Variants in ATM observed in about 807,000 individuals in gnomAD.
ATM encodes serine-protein kinase ATM.
Under a neutral mutation model 387.0 loss-of-function variants are expected in ATM, and 308 were observed. The ratio of observed to expected loss-of-function variants is 0.80; its 90% CI spans 0.73 to 0.87. The LOEUF (loss-of-function observed/expected upper bound fraction) is 0.87. ATM is among the 40% of genes least tolerant of loss of function. ATM has a pLI of 0.00. For synonymous variants in ATM, 1,156 were observed against 1,187.3 expected, an observed-to-expected ratio of 0.97 and a Z score of 0.54; for missense variants, 3,312 against 3,560.9, an observed-to-expected ratio of 0.93 and a Z score of 1.78.
At chr11:108,225,282 A>G (rs1423542032) in intron 1 of ATM, 1 of 152,242 alleles carries the variant, frequency 6.6e-6, no homozygotes, top group Admixed American at 6.5e-5. Context: ...AAAAATGATA[A>G]TACTTGTCCA....
chr11:108,255,154 T>G (rs2080393000), intron 13 of ATM, among the ~76,000 whole-genome samples: 1 of 152,170 alleles, frequency 6.6e-6, no homozygotes, highest in Non-Finnish European at 1.5e-5. Context: ...ACATGGTAAA[T>G]GATTAAATAA....
chr11:108,290,028 T>A, intron 29 of ATM: 1 of 430,598 alleles, frequency 2.3e-6, no homozygotes, highest in Non-Finnish European at 4.2e-6. Context: ...TGACTAATTT[T>A]TTGTGTTTTT....
intron 61 of ATM, among the ~76,000 whole-genome samples, chr11:108,364,281 TTA>T (rs1163454202): frequency 6.6e-6 from 1 of 152,214 alleles, no homozygotes; most frequent in African/African-American, 2.4e-5. Context: ...TTGTCTCCAC[TTA>T]TTACTAAGAT....
chr11:108,255,427 T>G, intron 13 of ATM, among the ~76,000 whole-genome samples: 1 of 147,168 alleles, frequency 6.8e-6, no homozygotes, highest in Non-Finnish European at 1.5e-5. Context: ...CTAAACTTTT[T>G]TTTTTTTTTT....
intron 56 of ATM, among the ~76,000 whole-genome samples, chr11:108,341,100 C>G (rs1350685388): frequency 6.6e-6 from 1 of 151,974 alleles, no homozygotes; most frequent in Non-Finnish European, 1.5e-5. Flanking sequence ...TCCCTCCAGC[C>G]TTATCTACCA....
At chr11:108,310,428 A>C (rs2084053372) in intron 39 of ATM, 113 bp downstream of exon 39, 3 of 1,032,708 alleles carry the variant, frequency 2.9e-6, no homozygotes, top group Non-Finnish European at 4.1e-6. Context: ...GATATTTTAG[A>C]TAGAAATTTT....
intron 38 of ATM, among the ~76,000 whole-genome samples, chr11:108,309,686 A>C (rs4988068): frequency 0.013 from 1,956 of 152,330 alleles, 52 homozygotes; most frequent in African/African-American, 0.044. Flanking sequence ...TAAGTAACTC[A>C]ACCTAGGCAA....
chr11:108,308,932 T>C, intron 38 of ATM: 1 of 1,238,530 alleles, frequency 8.1e-7, no homozygotes, highest in South Asian at 1.3e-5. Flanking sequence ...TTTCTTGGTG[T>C]TGGGAGGCAG....
chr11:108,336,376 C>A (rs906131534), intron 56 of ATM: 1 of 157,610 alleles, frequency 6.3e-6, no homozygotes, highest in East Asian at 1.9e-4. Flanking sequence ...CTGTGAAGGA[C>A]CAAATAATAA....
intron 47 of ATM, among the ~76,000 whole-genome samples, chr11:108,326,597 A>G (rs2085706676): frequency 6.6e-6 from 1 of 152,254 alleles, no homozygotes; most frequent in East Asian, 1.9e-4. Context: ...AATAAAAGCA[A>G]GTTGGGACAA....
At chr11:108,333,660 AC>A (rs2086519745) in intron 53 of ATM, among the ~76,000 whole-genome samples, 1 of 152,172 alleles carries the variant, frequency 6.6e-6, no homozygotes, top group African/African-American at 2.4e-5. Context: ...TGGTCTAGTT[AC>A]CCTTGTCAGG....
chr11:108,344,743 C>T (rs1402074911), intron 57 of ATM, among the ~76,000 whole-genome samples: 1 of 152,056 alleles, frequency 6.6e-6, no homozygotes, highest in Non-Finnish European at 1.5e-5. Flanking sequence ...GTAGCGCATG[C>T]CTGTAATCCC....
Position 108,294,975 on chromosome 11 carries a change from A to G in ATM, c.4825A>G (p.Thr1609Ala), listed in dbSNP as rs761197886. ...SVSVYDALPL[T>A]RLEGLKDLRR... ...AAGTGTTTATGATGCACTTCCATTGACAAGACTTGAAGGACTAAAGGATCT... is the reference window on the plus strand; with the variant it reads ...AAGTGTTTATGATGCACTTCCATTGGCAAGACTTGAAGGACTAAAGGATCT... The change falls in exon 32 of 63, where the codon ACA (threonine) becomes GCA (alanine). Residue 1609 changes from threonine to alanine, a missense_variant. This residue lies in a region of ATM where 1,405 missense variants were observed against 1,604.4 expected (regional missense o/e 0.88). Transcript: ENST00000675843. 3 of 1,613,886 alleles carry G rather than the reference A, an allele frequency of 1.9e-6. No homozygotes were observed. The highest frequency in any genetic ancestry group is 2.5e-6 in the Non-Finnish European group (3 of 1,179,838).
intron 7 of ATM, 129 bp downstream of exon 7, chr11:108,245,155 G>A (rs968646505): frequency 1.3e-5 from 10 of 793,374 alleles, no homozygotes; most frequent in African/African-American, 5.2e-5. Context: ...ATGTTACTTA[G>A]CCATGAGAAT....
intron 15 of ATM, 40 bp from the exon 16 acceptor site, chr11:108,258,946 A>AT (rs1485027883): frequency 2.0e-6 from 3 of 1,512,816 alleles, no homozygotes; most frequent in African/African-American, 2.7e-5. Context: ...AATTGTTTTT[A>AT]TTTCTTTGTT....
intron 56 of ATM, among the ~76,000 whole-genome samples, chr11:108,337,373 G>A (rs1259810854): frequency 6.6e-6 from 1 of 152,142 alleles, no homozygotes. Flanking sequence ...AATGCAAAAA[G>A]CAAAAGTTGC....
chr11:108,271,496 G>A (rs2081582790), intron 20 of ATM, 90 bp downstream of exon 20: 3 of 1,442,322 alleles, frequency 2.1e-6, no homozygotes, highest in Non-Finnish European at 2.9e-6. Flanking sequence ...GATTTCTTCT[G>A]ATCTTCCTAC....
chr11:108,242,704 A>T, intron 5 of ATM, among the ~76,000 whole-genome samples: 1 of 152,134 alleles, frequency 6.6e-6, no homozygotes, highest in East Asian at 1.9e-4. Flanking sequence ...ATTGATTATA[A>T]AAAGCTTGAG....
At position 108,251,066 on chromosome 11, in the gene ATM, C is replaced by G. The variant is rs587782212; in HGVS notation, c.1601C>G (p.Pro534Arg). The G allele has an allele frequency of 1.2e-6, 2 of 1,613,946 alleles. No individual in the cohort carries two copies. Among genetic ancestry groups the G allele is most frequent in the Non-Finnish European group, 8.5e-7 (1 of 1,180,002 alleles). Reference protein sequence around the residue: ...WKLFTGSACRPSCPAVCCLTL... With the variant: ...WKLFTGSACRRSCPAVCCLTL... ...TTATTTACTGGGTCAGCCTGCAGAC[C>G]TTCATGGTAAGTTCAGCATGCATTA... The change falls in exon 10 of 63, where the codon CCT (proline) becomes CGT (arginine). Residue 534 changes from proline to arginine, a missense_variant. Physicochemically the swap from Pro to Arg is moderately radical, Grantham distance 103. Around this residue, in one of 4 missense-constraint regions of ATM, gnomAD observed 1,791 missense variants for 1,804.5 expected, o/e 0.99. Transcript: ENST00000675843.
Sources: allele counts gnomAD v4.1 joint callset (sites outside exome capture counted in the v4.1 genomes callset), GRCh38; gene constraint gnomAD v4.1.1; regional missense constraint gnomAD v4.1.1; transcripts MANE v1.5; gene names NCBI Gene and HGNC (gene_info 2026-07-23, HGNC 2026-07-21).